Variants in CCNK observed in about 807,000 individuals in gnomAD.
CCNK encodes the protein cyclin K.
In CCNK, 9 loss-of-function variants were observed where a neutral mutation model predicts 65.0. The ratio of observed to expected loss-of-function variants is 0.14; its 90% CI spans 0.08 to 0.24. The LOEUF (loss-of-function observed/expected upper bound fraction) is 0.24. CCNK is among the 10% of genes least tolerant of loss of function. The pLI is 1.00. For missense variants in CCNK, 474 were observed against 720.0 expected (o/e 0.66, Z 3.91); for synonymous variants, 279 against 270.8 (o/e 1.03, Z -0.30).
Position 99,510,684 on chromosome 14 carries a change from G to T in CCNK, c.1645G>T (p.Ala549Ser). ...GLPPASYPPP[A>S]VPPGGQPPVP... Reference sequence around the variant, plus strand: ...GCCGCCAGCCAGCTACCCACCTCCTGCCGTCCCCCCTGGAGGACAGCCTCC... The same window carrying T: ...GCCGCCAGCCAGCTACCCACCTCCTTCCGTCCCCCCTGGAGGACAGCCTCC... Residue 549 changes from alanine (A) to serine (S), a missense_variant, in exon 11 of 11, where the codon GCC (alanine) becomes TCC (serine). Physicochemically the swap from Ala to Ser is moderately conservative, Grantham distance 99. This residue lies in a region of CCNK where 53 missense variants were observed against 91.4 expected (regional missense o/e 0.58). Coordinates refer to ENST00000389879, the MANE Select transcript of CCNK (RefSeq NM_001099402.2). The T allele has an allele frequency of 7.1e-7, 1 of 1,411,546 alleles. No individual in the cohort carries two copies. Among genetic ancestry groups the T allele is most frequent in the Non-Finnish European group, 9.2e-7 (1 of 1,081,540 alleles). 87.4% of individuals were successfully genotyped at this position (1,411,546 alleles called of 1,614,324 possible). A position where few individuals can be genotyped will look rare whatever the true frequency, so the allele number is the denominator to read the frequency against.
At chr14:99,481,627 C>G (rs765278435) in intron 1 of CCNK, 148 bp downstream of exon 1, 1 of 392,644 alleles carries the variant, frequency 2.5e-6, no homozygotes, top group Non-Finnish European at 4.5e-6. Flanking sequence ...ACACATTGAA[C>G]TTTGCGGGCG....
chr14:99,510,222 G>A lies in CCNK; in HGVS notation c.1183G>A (p.Asp395Asn), dbSNP rs993472154. 3 of 1,596,758 alleles carry A rather than the reference G, an allele frequency of 1.9e-6. No homozygotes were observed. The highest frequency in any genetic ancestry group is 2.6e-6 in the Non-Finnish European group (3 of 1,174,946). Residue 395 changes from aspartate (D) to asparagine (N), a missense_variant, in exon 11 of 11, where the codon GAC (aspartate) becomes AAC (asparagine). Around this residue, in one of 6 missense-constraint regions of CCNK, gnomAD observed 229 missense variants for 275.5 expected, o/e 0.83. Transcript: ENST00000389879. ...AEPPGPVDATDLPKVQIPPPA... is the reference protein window; with the variant it reads ...AEPPGPVDATNLPKVQIPPPA... ...GCCGCCGGGCCCTGTGGATGCCACT[G>A]ACCTCCCCAAAGTCCAGATTCCCCC... is the stretch of plus-strand genomic sequence containing the variant.
chr14:99,510,999 T>A lies in CCNK; in HGVS notation c.*217T>A, dbSNP rs549716119. On this transcript the variant is annotated 3_prime_UTR_variant, in exon 11 of 11. Transcript: ENST00000389879. ...AGTAGCCTCATCAGTGCCCTTGCAGTCTGACTGTGTACACTTGGTTCAGCT... is the reference window on the plus strand; with the variant it reads ...AGTAGCCTCATCAGTGCCCTTGCAGACTGACTGTGTACACTTGGTTCAGCT... 1.0e-5 allele frequency: 4 copies of A among 387,438 alleles called. No individual in the cohort carries two copies. In the East Asian group the frequency reaches 1.2e-4, roughly 11 times the overall value. 24.0% of individuals were successfully genotyped at this position (387,438 alleles called of 1,614,324 possible).
intron 4 of CCNK, among the ~76,000 whole-genome samples, chr14:99,498,489 A>G (rs1436666267): frequency 6.6e-6 from 1 of 152,172 alleles, no homozygotes; most frequent in African/African-American, 2.4e-5. Flanking sequence ...TGGAGGCAGT[A>G]TAAGTATTTA....
At chr14:99,501,711 T>A in intron 6 of CCNK, 1 of 355,950 alleles carries the variant, frequency 2.8e-6, no homozygotes, top group Non-Finnish European at 5.1e-6. Context: ...AGAGCCCATT[T>A]GGTTTTGCAA....
chr14:99,493,157 C>G, intron 2 of CCNK: 1 of 447,058 alleles, frequency 2.2e-6, no homozygotes. Flanking sequence ...AATCCCAGCA[C>G]TTTGGGAGGC....
At position 99,502,389 on chromosome 14, in the gene CCNK, C is replaced by A. The variant is rs1896854029; in HGVS notation, c.745+13C>A. The A allele has an allele frequency of 6.2e-7, 1 of 1,611,656 alleles. No individual in the cohort carries two copies. ...GACGTTTTGGAAGGTACCAGGCATG[C>A]TAAGCGTTCTCGTGAGGGTGTTCCA... On this transcript the variant is annotated intron_variant, in intron 7 of 10. Coordinates refer to ENST00000389879, the MANE Select transcript of CCNK (RefSeq NM_001099402.2).
intron 10 of CCNK, chr14:99,509,781 C>T (rs1026478870): frequency 3.4e-6 from 1 of 291,254 alleles, no homozygotes; most frequent in African/African-American, 2.2e-5. Context: ...TTCAGTGTGG[C>T]CCTGACCCCT....
In CCNK at chr14:99,503,287, G is replaced by C. The variant is rs551777297; in HGVS notation, c.1011+303G>C. ...GTGTCCTAGCAGTGTCGTTGTGCATGCTGCTTCTGTGCAGCTGCCTGACCC... is the reference window on the plus strand; with the variant it reads ...GTGTCCTAGCAGTGTCGTTGTGCATCCTGCTTCTGTGCAGCTGCCTGACCC... On this transcript the variant is annotated intron_variant, in intron 8 of 10. Transcript: ENST00000389879. 9.4e-5 allele frequency: 58 copies of C among 618,416 alleles called. No individual in the cohort carries two copies. The African/African-American group carries it at 9.9e-4, about 11-fold the overall frequency. The allele number at this position is 618,416 out of a possible 1,614,324, so 38.3% of individuals were successfully genotyped here.
chr14:99,489,283 A>G (rs1238604723), intron 1 of CCNK, among the ~76,000 whole-genome samples: 2 of 152,100 alleles, frequency 1.3e-5, no homozygotes, highest in Non-Finnish European at 2.9e-5. Flanking sequence ...GCATTTACAT[A>G]TTTGCTTTAT....
chr14:99,507,052 T>C (rs1220262329), intron 9 of CCNK, 24 bp from the exon 10 acceptor site: 2 of 1,476,558 alleles, frequency 1.4e-6, no homozygotes, highest in Admixed American at 3.3e-5. Flanking sequence ...ATGAGTGGTT[T>C]TCTAATCTGC....
At chr14:99,483,440 C>T (rs1896405831) in intron 1 of CCNK, among the ~76,000 whole-genome samples, 1 of 152,088 alleles carries the variant, frequency 6.6e-6, no homozygotes, top group Admixed American at 6.5e-5. Flanking sequence ...GTAGTAGCTA[C>T]TTGGGAGACT....
rs1897149808 is a variant in CCNK at position 99,512,367 on chromosome 14, T to G, written c.*1585T>G. 1 of 151,872 alleles carries G rather than the reference T, an allele frequency of 6.6e-6. No individual in the cohort carries two copies. The highest frequency in any genetic ancestry group is 2.1e-4 in the South Asian group (1 of 4,806). The allele number at this position is 151,872 out of a possible 1,614,324, so 9.4% of individuals were successfully genotyped here. On this transcript the variant is annotated 3_prime_UTR_variant, in exon 11 of 11. Coordinates refer to ENST00000389879, the MANE Select transcript of CCNK (RefSeq NM_001099402.2). The stretch of plus-strand genomic sequence containing the variant: ...ATCTCCAAAAAGCAGCACAAATACT[T>G]TGCCCCACAGTATGAAAAATATACA...
intron 10 of CCNK, chr14:99,508,422 G>A (rs1897029963): frequency 6.6e-6 from 1 of 152,292 alleles, no homozygotes; most frequent in Non-Finnish European, 1.5e-5. Context: ...CTGCTGTGGA[G>A]GCCTCAGAGC....
At chr14:99,485,713 A>G (rs1301360935) in intron 1 of CCNK, among the ~76,000 whole-genome samples, 1 of 152,166 alleles carries the variant, frequency 6.6e-6, no homozygotes, top group African/African-American at 2.4e-5. Flanking sequence ...ACCTATTTCC[A>G]GCCAGGCACG....
chr14:99,508,320 C>T (rs902002530), intron 10 of CCNK: 3 of 152,292 alleles, frequency 2.0e-5, no homozygotes, highest in East Asian at 1.9e-4. Context: ...TGGTCCGAGC[C>T]TGGGGCTGTG....
intron 1 of CCNK, among the ~76,000 whole-genome samples, chr14:99,489,558 A>G (rs571438269): frequency 6.6e-6 from 1 of 152,360 alleles, no homozygotes; most frequent in South Asian, 2.1e-4. Flanking sequence ...TAAATAAATA[A>G]ACAAATAAAT....
rs766325386 is a variant in CCNK at position 99,492,627 on chromosome 14, A to G, written c.-51A>G. ...ACTTTGTTTTTCTCTTTCTCATAGG[A>G]TTCTAACATTTTCAGAGAACCTTTT... On this transcript the variant is annotated splice_region_variant and 5_prime_UTR_variant, in exon 2 of 11. Coordinates refer to ENST00000389879, the MANE Select transcript of CCNK (RefSeq NM_001099402.2). The G allele has an allele frequency of 1.2e-5, 18 of 1,481,480 alleles. No individual in the cohort carries two copies. Among genetic ancestry groups the G allele is most frequent in the Non-Finnish European group, 1.5e-5 (16 of 1,092,628 alleles). 91.8% of individuals were successfully genotyped at this position (1,481,480 alleles called of 1,614,324 possible).
chr14:99,503,830 T>A, intron 9 of CCNK, 186 bp downstream of exon 9: 1 of 593,018 alleles, frequency 1.7e-6, no homozygotes, highest in Non-Finnish European at 3.0e-6. Context: ...AAAATTGTGC[T>A]CTTACGAAGC....
Sources: allele counts gnomAD v4.1 joint callset (sites outside exome capture counted in the v4.1 genomes callset), GRCh38; gene constraint gnomAD v4.1.1; regional missense constraint gnomAD v4.1.1; transcripts MANE v1.5; gene names NCBI Gene and HGNC (gene_info 2026-07-23, HGNC 2026-07-21).